The following GPSM2 variants were observed in gnomAD, a reference collection of about 807,000 sequenced individuals.
GPSM2 encodes the protein G protein signaling modulator 2.
Under a neutral mutation model 78.4 loss-of-function variants are expected in GPSM2, and 58 were observed. That is an observed-to-expected ratio of 0.74 (90% CI 0.60 to 0.92). The LOEUF (loss-of-function observed/expected upper bound fraction) is 0.92, where lower values mean the gene tolerates loss of function less well. GPSM2 is among the 40% of genes least tolerant of loss of function. GPSM2 has a pLI of 0.00. For missense variants in GPSM2, 700 were observed against 815.5 expected (o/e 0.86, Z 1.73); for synonymous variants, 224 against 280.2 (o/e 0.80, Z 2.00).
At chr1:108,898,474 C>T (rs1370942590) in intron 5 of GPSM2, among the ~76,000 whole-genome samples, 168 bp from the exon 6 acceptor site, 1 of 152,186 alleles carries the variant, frequency 6.6e-6, no homozygotes, top group African/African-American at 2.4e-5. Flanking sequence ...GTGTTCCCAG[C>T]TATTTCCTAT....
Position 108,896,968 on chromosome 1 carries a change from G to A in GPSM2, c.161G>A (p.Gly54Glu), listed in dbSNP as rs1648414097. The A allele has an allele frequency of 6.2e-7, 1 of 1,614,100 alleles. No individual in the cohort carries two copies. The highest frequency in any genetic ancestry group is 8.5e-7 in the Non-Finnish European group (1 of 1,179,946). ...TTCTTTGAAGCTGCAGTTCAAGTTG[G>A]AACTGAAGACCTAAAAACACTTAGC... The part of the protein sequence containing the change: ...VSFFEAAVQV[G>E]TEDLKTLSAI... The change falls in exon 3 of 15, where the codon GGA becomes GAA. Residue 54 changes from glycine to glutamate, a missense_variant. By Grantham distance (98) the Gly-to-Glu change is moderately conservative. Transcript: ENST00000264126.
chr1:108,912,362 C>T (rs1649819261), intron 10 of GPSM2, among the ~76,000 whole-genome samples: 1 of 152,048 alleles, frequency 6.6e-6, no homozygotes, highest in Non-Finnish European at 1.5e-5. Flanking sequence ...GCCTATATTC[C>T]TCACATATAT....
At chr1:108,902,239 G>C (rs11102616) in intron 8 of GPSM2, among the ~76,000 whole-genome samples, 1 of 151,888 alleles carries the variant, frequency 6.6e-6, no homozygotes. Flanking sequence ...AAATTAGCCG[G>C]GTGTGGTGGC....
intron 10 of GPSM2, among the ~76,000 whole-genome samples, chr1:108,911,595 C>G (rs912414052): frequency 5.9e-5 from 9 of 152,126 alleles, no homozygotes; most frequent in African/African-American, 2.2e-4. Flanking sequence ...TACGGTGGTA[C>G]TTACCAGTGA....
chr1:108,916,529 ATT>A (rs1650243297), intron 11 of GPSM2, among the ~76,000 whole-genome samples: 1 of 152,246 alleles, frequency 6.6e-6, no homozygotes, highest in African/African-American at 2.4e-5. Flanking sequence ...TCAAATATAA[ATT>A]TGTTAAATCC....
intron 7 of GPSM2, 102 bp from the exon 8 acceptor site, chr1:108,901,688 A>G (rs953181277): frequency 4.4e-5 from 38 of 871,064 alleles, no homozygotes; most frequent in African/African-American, 3.8e-4. Flanking sequence ...AGATTTAAAG[A>G]CAGCAGAAAG....
chr1:108,878,060 CAG>C (rs1665719738), intron 1 of GPSM2, among the ~76,000 whole-genome samples: 1 of 152,158 alleles, frequency 6.6e-6, no homozygotes, highest in East Asian at 1.9e-4. Context: ...GCAGGACCAA[CAG>C]AGCTGAGTTT....
At chr1:108,902,937 T>C (rs140794729) in intron 8 of GPSM2, among the ~76,000 whole-genome samples, 189 bp from the exon 9 acceptor site, 1 of 152,326 alleles carries the variant, frequency 6.6e-6, no homozygotes, top group Admixed American at 6.5e-5. Flanking sequence ...TTTAGTATTA[T>C]GTGGGTATTC....
At chr1:108,888,587 ACCTC>A (rs1319477645) in intron 2 of GPSM2, among the ~76,000 whole-genome samples, 1 of 151,744 alleles carries the variant, frequency 6.6e-6, no homozygotes, top group East Asian at 1.9e-4. Context: ...CAGTCCACCT[ACCTC>A]AGCCTCCTCA....
chr1:108,911,799 A>ATTTT (rs71069618), intron 10 of GPSM2, among the ~76,000 whole-genome samples: 1,602 of 108,704 alleles, frequency 0.015, 67 homozygotes, highest in African/African-American at 0.055. Flanking sequence ...TGGGAAGACA[A>ATTTT]TTTTTTTTTT....
intron 13 of GPSM2, 25 bp downstream of exon 13, chr1:108,922,601 G>T (rs371998231): frequency 4.5e-6 from 7 of 1,553,672 alleles, no homozygotes; most frequent in Non-Finnish European, 6.2e-6. Flanking sequence ...TTTCTCCCCC[G>T]ATTTTAATAG....
intron 1 of GPSM2, among the ~76,000 whole-genome samples, chr1:108,883,629 G>A (rs1647279004): frequency 6.6e-6 from 1 of 151,968 alleles, no homozygotes; most frequent in South Asian, 2.1e-4. Context: ...ATCCTTCTTT[G>A]TCTTTCTCAA....
rs1651993944 is a variant in GPSM2, at chr1:108,931,641, AAAG to A, written c.*1702_*1704del. On this transcript the variant is annotated 3_prime_UTR_variant, in exon 15 of 15. Transcript: ENST00000264126. Reference sequence around the variant, plus strand: ...TAAGTGCTCAGCTAAAAAAAAAAAAAAAGTTCTAAATTACAACCTGGATTACAT... The same window carrying A: ...TAAGTGCTCAGCTAAAAAAAAAAAAATTCTAAATTACAACCTGGATTACAT... 9.0e-7 allele frequency: 1 copy of A among 1,107,130 alleles called. No individual in the cohort carries two copies. The highest frequency in any genetic ancestry group is 1.2e-6 in the Non-Finnish European group (1 of 816,068). The allele number at this position is 1,107,130 out of a possible 1,614,324, so 68.6% of individuals were successfully genotyped here.
rs1226099943 is a variant in GPSM2 at position 108,897,096 on chromosome 1, TA to T, written c.278+13del. 1.9e-6 allele frequency: 3 copies of T among 1,541,014 alleles called. No individual in the cohort carries two copies. The highest frequency in any genetic ancestry group is 1.7e-5 in the Admixed American group (1 of 59,922). On this transcript the variant is annotated intron_variant, in intron 3 of 14. Coordinates refer to ENST00000264126, the MANE Select transcript of GPSM2 (RefSeq NM_013296.5). Reference sequence around the variant, plus strand: ...TTTAACCCTTGCAAGGTAATTAATTTAAGCTTTTAAATATTCTTCCTTCTGA... The same window carrying T: ...TTTAACCCTTGCAAGGTAATTAATTTAGCTTTTAAATATTCTTCCTTCTGA...
At chr1:108,893,396 G>A (rs886098183) in intron 2 of GPSM2, among the ~76,000 whole-genome samples, 4 of 152,058 alleles carry the variant, frequency 2.6e-5, no homozygotes, top group Non-Finnish European at 5.9e-5. Flanking sequence ...GAAATGATGC[G>A]CCATCATTAG....
intron 10 of GPSM2, among the ~76,000 whole-genome samples, chr1:108,913,911 G>C (rs1239753485): frequency 6.6e-6 from 1 of 152,174 alleles, no homozygotes; most frequent in Non-Finnish European, 1.5e-5. Flanking sequence ...ACCTAGAAAA[G>C]AGTAACAGCA....
At chr1:108,884,423 T>G (rs1438577115) in intron 1 of GPSM2, among the ~76,000 whole-genome samples, 1 of 152,118 alleles carries the variant, frequency 6.6e-6, no homozygotes, top group African/African-American at 2.4e-5. Flanking sequence ...GAATGAAAAA[T>G]ACATTTGGTA....
At chr1:108,926,912 G>T (rs1194437526) in intron 14 of GPSM2, 2 of 152,098 alleles carry the variant, frequency 1.3e-5, no homozygotes, top group Non-Finnish European at 2.9e-5. Context: ...ATTCACATTG[G>T]AAAGGACAAA....
At chr1:108,919,101 G>T (rs543545280) in intron 12 of GPSM2, among the ~76,000 whole-genome samples, 2 of 151,682 alleles carry the variant, frequency 1.3e-5, no homozygotes, top group Non-Finnish European at 2.9e-5. Flanking sequence ...TCTGCCTCCC[G>T]GGTTCAAGCG....
Sources: allele counts gnomAD v4.1 joint callset (sites outside exome capture counted in the v4.1 genomes callset), GRCh38; gene constraint gnomAD v4.1.1; transcripts MANE v1.5; gene names NCBI Gene and HGNC (gene_info 2026-07-23, HGNC 2026-07-21).